CSF1R: variants seen among roughly 807,000 people sequenced by gnomAD.
CSF1R encodes macrophage colony-stimulating factor 1 receptor.
CSF1R carries 40 observed loss-of-function variants against 110.0 expected under a neutral mutation model. That is an observed-to-expected ratio of 0.36 (90% CI 0.28 to 0.47). The LOEUF (loss-of-function observed/expected upper bound fraction) is 0.47. Ranked by LOEUF, CSF1R falls within the 20% of genes least tolerant of loss-of-function variation. CSF1R has a pLI of 0.99. For synonymous variants in CSF1R, 523 were observed against 503.4 expected, an observed-to-expected ratio of 1.04 and a Z score of -0.52; for missense variants, 1,052 against 1,253.0, an observed-to-expected ratio of 0.84 and a Z score of 2.42.
At chr5:150,091,402 G>C (rs1308591962), upstream of CSF1R, among the ~76,000 whole-genome samples, 7 of 152,192 alleles carry the variant, frequency 4.6e-5, no homozygotes, top group Non-Finnish European at 8.8e-5. Flanking sequence ...ACAAAATGTG[G>C]TGTGTCCATA....
intron 9 of CSF1R, among the ~76,000 whole-genome samples, chr5:150,069,539 T>G (rs1757935446): frequency 6.6e-6 from 1 of 152,094 alleles, no homozygotes; most frequent in Non-Finnish European, 1.5e-5. Flanking sequence ...CTTCCCTGCA[T>G]AGGGCACGTC....
chr5:150,082,130 G>T (rs1465735074), intron 1 of CSF1R, among the ~76,000 whole-genome samples: 1 of 152,220 alleles, frequency 6.6e-6, no homozygotes, highest in Non-Finnish European at 1.5e-5. Flanking sequence ...GCCACTTGCG[G>T]GGCAGCTGTG....
chr5:150,106,154 G>C (rs557336077), intron 1 of CSF1R, among the ~76,000 whole-genome samples: 1 of 152,354 alleles, frequency 6.6e-6, no homozygotes, highest in South Asian at 2.1e-4. Context: ...GGGACTCAGT[G>C]GGGTAAGCCC....
upstream of CSF1R, among the ~76,000 whole-genome samples, chr5:150,089,743 A>G (rs1271171244): frequency 6.6e-6 from 1 of 152,248 alleles, no homozygotes; most frequent in Non-Finnish European, 1.5e-5. Context: ...TATGCAAAAC[A>G]ATCTTGGAGG....
At chr5:150,056,862 C>A (rs1757242242) in intron 16 of CSF1R, among the ~76,000 whole-genome samples, 1 of 152,152 alleles carries the variant, frequency 6.6e-6, no homozygotes, top group Admixed American at 6.5e-5. Flanking sequence ...CGAATCTGTT[C>A]TAAGGAAGAT....
chr5:150,058,399 A>AC (rs1757348740), intron 14 of CSF1R: 17 of 441,336 alleles, frequency 3.9e-5, no homozygotes, highest in South Asian at 2.6e-4. Context: ...AGAGATGTGT[A>AC]CCTTGACAAT....
chr5:150,091,777 A>G (rs1418648666), intron 1 of CSF1R, among the ~76,000 whole-genome samples: 1 of 151,708 alleles, frequency 6.6e-6, no homozygotes, highest in Non-Finnish European at 1.5e-5. Flanking sequence ...TTTTATCTCA[A>G]AAAAAGAGAA....
In CSF1R at chr5:150,054,324, G is replaced by C. The variant is rs202216061; in HGVS notation, c.2761C>G (p.Arg921Gly). The C allele has an allele frequency of 1.2e-6, 2 of 1,613,988 alleles. No individual in the cohort carries two copies. The highest frequency in any genetic ancestry group is 1.7e-6 in the Non-Finnish European group (2 of 1,180,020). ...QEQAQEDRRERDYTNLPSSSR... is the reference protein window; with the variant it reads ...QEQAQEDRREGDYTNLPSSSR... ...ACCCCAAGCCTCACCCCACTCACCC[G>C]CTCTCTCCTGTCCTCTTGGGCCTGC... The change falls in exon 20 of 21, where the codon CGG (arginine) becomes GGG (glycine). Residue 921 changes from arginine (R) to glycine (G), a missense_variant and splice_region_variant. Coordinates refer to ENST00000675795, the MANE Select transcript of CSF1R (RefSeq NM_001288705.3).
chr5:150,061,368 G>T lies in CSF1R; in HGVS notation c.1858+123C>A, dbSNP rs577301817. On this transcript the variant is annotated intron_variant, in intron 12 of 20. Transcript: ENST00000675795. Reference sequence around the variant, plus strand: ...CAAGAAAACCCAAGTCCTCACCCCTGAGCTCTGTCCCCCAGGCTTCAACAG... The same window carrying T: ...CAAGAAAACCCAAGTCCTCACCCCTTAGCTCTGTCCCCCAGGCTTCAACAG... 8.2e-6 allele frequency: 7 copies of T among 849,506 alleles called. No individual in the cohort carries two copies. The South Asian group carries it at 8.8e-5, about 11-fold the overall frequency. The allele number at this position is 849,506 out of a possible 1,614,324, so 52.6% of individuals were successfully genotyped here.
intron 16 of CSF1R, 72 bp downstream of exon 16, chr5:150,057,215 C>G: frequency 7.5e-7 from 1 of 1,335,850 alleles, no homozygotes; most frequent in Non-Finnish European, 1.1e-6. Context: ...TCCTCCTCCC[C>G]ATCGTCACTC....
At chr5:150,108,205 A>G (rs17798680) in intron 1 of CSF1R, among the ~76,000 whole-genome samples, 17,633 of 152,286 alleles carry the variant, frequency 0.12, 1,219 homozygotes, top group East Asian at 0.28. Context: ...TAAGAGGCAC[A>G]GACAAAGGAA....
At position 150,061,075 on chromosome 5, in the gene CSF1R, G is replaced by A. The variant is rs1757492969; in HGVS notation, c.1859-103C>T. 5 of 821,090 alleles carry A rather than the reference G, an allele frequency of 6.1e-6. No homozygotes were observed. The South Asian group carries it at 8.2e-5, about 14-fold the overall frequency. The allele number at this position is 821,090 out of a possible 1,614,324, so 50.9% of individuals were successfully genotyped here. ...TGCAGAGACCCAGGGGAGAAAGCAG[G>A]GCATACCCCAAGACCCGGAGTGACC... On this transcript the variant is annotated intron_variant, in intron 12 of 20. Transcript: ENST00000675795.
intron 1 of CSF1R, among the ~76,000 whole-genome samples, chr5:150,113,096 C>G (rs754355372): frequency 6.6e-6 from 1 of 152,110 alleles, no homozygotes. Context: ...GTGTTGCTGC[C>G]GGGGTCCCAC....
upstream of CSF1R, among the ~76,000 whole-genome samples, chr5:150,088,596 C>A (rs907602340): frequency 2.6e-5 from 4 of 151,482 alleles, no homozygotes; most frequent in Non-Finnish European, 5.9e-5. Context: ...TGCAGTGGAG[C>A]AATCTCGGCT....
intron 1 of CSF1R, among the ~76,000 whole-genome samples, chr5:150,097,534 C>A (rs1289513184): frequency 6.6e-6 from 1 of 151,690 alleles, no homozygotes; most frequent in African/African-American, 2.4e-5. Context: ...TAGAAAATGC[C>A]AAAGAATCTA....
intron 15 of CSF1R, 36 bp downstream of exon 15, chr5:150,057,460 CCTTGTTAT>C: frequency 7.4e-6 from 12 of 1,612,150 alleles, no homozygotes; most frequent in Non-Finnish European, 9.3e-6. Context: ...TCTCCTTTTC[CCTTGTTAT>C]CAAGCAAATG....
At chr5:150,112,194 C>A (rs1229237303) in intron 1 of CSF1R, among the ~76,000 whole-genome samples, 1 of 151,894 alleles carries the variant, frequency 6.6e-6, no homozygotes, top group Non-Finnish European at 1.5e-5. Flanking sequence ...TGACGACTAC[C>A]CTCACACTTT....
intron 10 of CSF1R, 121 bp from the exon 11 acceptor site, chr5:150,061,970 G>T: frequency 7.5e-7 from 1 of 1,339,024 alleles, no homozygotes; most frequent in Non-Finnish European, 1.0e-6. Flanking sequence ...AGAAGGCAGG[G>T]CAAGGCCTGC....
intron 1 of CSF1R, chr5:150,094,460 A>G (rs1581342623): frequency 6.3e-7 from 1 of 1,598,478 alleles, no homozygotes; most frequent in South Asian, 1.1e-5. Context: ...TCTATGAAAA[A>G]GCAAAGCACT....
Sources: gnomAD v4.1 joint callset for allele counts (sites outside exome capture counted in the v4.1 genomes callset) on GRCh38, gnomAD v4.1.1 for gene constraint, MANE v1.5 for transcripts, NCBI Gene and HGNC (gene_info 2026-07-23, HGNC 2026-07-21) for gene names.